The following SYNE3 variants were observed in gnomAD, a reference collection of about 807,000 sequenced individuals.
SYNE3 encodes the protein nesprin-3.
SYNE3 carries 100 observed loss-of-function variants against 111.2 expected under a neutral mutation model. The observed-to-expected ratio is 0.90, with a 90% confidence interval of 0.77 to 1.06. SYNE3 has a LOEUF of 1.06. SYNE3 is among the 50% of genes least tolerant of loss of function. The pLI is 0.00. For synonymous variants in SYNE3, 547 were observed against 533.9 expected (o/e 1.02, Z -0.34); for missense variants, 1,160 against 1,240.3 (o/e 0.94, Z 0.97).
At chr14:95,435,268 G>A (rs1219046831) in intron 15 of SYNE3, among the ~76,000 whole-genome samples, 1 of 151,940 alleles carries the variant, frequency 6.6e-6, no homozygotes, top group Non-Finnish European at 1.5e-5. Flanking sequence ...AAAAATGATA[G>A]AGTAGATTAT....
At position 95,470,893 on chromosome 14, in the gene SYNE3, T is replaced by C. The variant is rs1888489175; in HGVS notation, c.145-2926A>G. Among the ~76,000 whole-genome samples, 1 of 150,938 alleles carries C rather than the reference T, an allele frequency of 6.6e-6. No homozygotes were observed. ...GACTTGCTTGAACCTGGGAGGCAGATGTTGCAGTGAGCCGAGATCACAACA... is the reference window on the plus strand; with the variant it reads ...GACTTGCTTGAACCTGGGAGGCAGACGTTGCAGTGAGCCGAGATCACAACA... On this transcript the variant is annotated intron_variant, in intron 2 of 17. Transcript: ENST00000682763. The surrounding 1 kb of genome is among the most constrained non-coding windows in gnomAD (Gnocchi z 4.2).
rs923449472 is a variant in SYNE3, at chr14:95,439,985, T to A, written c.2002A>T (p.Thr668Ser). The A allele has an allele frequency of 1.2e-6, 2 of 1,613,650 alleles. No homozygotes were observed. The highest frequency in any genetic ancestry group is 2.2e-5 in the South Asian group (2 of 91,086). ...LELRQWIVVT[T>S]QKLEAHRGEA... ...CCCCGGTGTGCCTCCAGCTTTTGCG[T>A]GGTCACAACGATCCACTGCCGCAGC... is the stretch of plus-strand genomic sequence containing the variant. Residue 668 changes from threonine (T) to serine (S), a missense_variant, in exon 12 of 18, where the codon ACG becomes TCG. Transcript: ENST00000682763.
At chr14:95,516,455 C>A (rs1216465569) in intron 1 of SYNE3, among the ~76,000 whole-genome samples, 141 bp downstream of exon 1, 4 of 151,870 alleles carry the variant, frequency 2.6e-5, no homozygotes, top group African/African-American at 9.7e-5. Flanking sequence ...GGGCGCGCCT[C>A]CCCAGGTCCC....
At chr14:95,449,375 G>A (rs2139419710) in intron 8 of SYNE3, 2 of 963,718 alleles carry the variant, frequency 2.1e-6, no homozygotes, top group African/African-American at 1.8e-5. Context: ...TTTGAAAGGC[G>A]GAAGTAGAGG....
At chr14:95,459,491 A>G (rs1320370680) in intron 4 of SYNE3, among the ~76,000 whole-genome samples, 1 of 152,068 alleles carries the variant, frequency 6.6e-6, no homozygotes, top group Non-Finnish European at 1.5e-5. Flanking sequence ...AATGGGCTGG[A>G]TGTGGTGTCT....
intron 1 of SYNE3, among the ~76,000 whole-genome samples, chr14:95,513,131 G>A (rs758884473): frequency 3.9e-5 from 6 of 152,114 alleles, no homozygotes; most frequent in Non-Finnish European, 5.9e-5. Context: ...ACTACAAAGT[G>A]ATCTCCTTTG....
intron 4 of SYNE3, among the ~76,000 whole-genome samples, chr14:95,464,250 T>G (rs1305150938): frequency 6.6e-6 from 1 of 152,202 alleles, no homozygotes; most frequent in Admixed American, 6.5e-5. Context: ...GGAAGGGATA[T>G]TCCCATGGGC....
At chr14:95,480,164 A>G (rs1889144089) in intron 1 of SYNE3, among the ~76,000 whole-genome samples, 1 of 152,234 alleles carries the variant, frequency 6.6e-6, no homozygotes, top group African/African-American at 2.4e-5. Flanking sequence ...TCTGTTTCCA[A>G]GCCCTGTCTG....
At chr14:95,444,672 T>A (rs754491640) in intron 9 of SYNE3, 44 bp from the exon 10 acceptor site, 1 of 1,520,886 alleles carries the variant, frequency 6.6e-7, no homozygotes, top group South Asian at 1.3e-5. Context: ...GCGTTCCTCA[T>A]GAGCACCGTG....
intron 2 of SYNE3, among the ~76,000 whole-genome samples, chr14:95,468,559 G>A (rs1229718410): frequency 1.3e-5 from 2 of 152,174 alleles, no homozygotes; most frequent in East Asian, 1.9e-4. Context: ...GATGCTGAGT[G>A]AGTGACTGTA....
At chr14:95,449,481 G>A in intron 8 of SYNE3, 1 of 985,490 alleles carries the variant, frequency 1.0e-6, no homozygotes, top group Non-Finnish European at 1.2e-6. Flanking sequence ...CTGGGGCCAT[G>A]AGGCGAGACC....
At chr14:95,452,021 C>T in intron 7 of SYNE3, 1 of 424,582 alleles carries the variant, frequency 2.4e-6, no homozygotes, top group Non-Finnish European at 4.0e-6. Context: ...AGCCACTAGC[C>T]TGGATAAATG....
rs8009736 is a variant in SYNE3, at chr14:95,440,201, C to T, written c.1912-126G>A. The T allele has an allele frequency of 2.5e-3, 2,623 of 1,065,592 alleles. 41 individuals carry two copies. In the African/African-American group the frequency reaches 0.032, roughly 13 times the overall value. The allele number at this position is 1,065,592 out of a possible 1,614,324, so 66.0% of individuals were successfully genotyped here. Reference sequence around the variant, plus strand: ...CCCCAGGGCTCCCCACCAAGTAGCACCACAAGAGGCTGGGCTGGCCCTTCC... The same window carrying T: ...CCCCAGGGCTCCCCACCAAGTAGCATCACAAGAGGCTGGGCTGGCCCTTCC... On this transcript the variant is annotated intron_variant, in intron 11 of 17. Transcript: ENST00000682763.
chr14:95,492,524 T>C (rs1889898771), intron 1 of SYNE3, among the ~76,000 whole-genome samples: 1 of 152,254 alleles, frequency 6.6e-6, no homozygotes. Flanking sequence ...AGGTCCCATG[T>C]ATTGTATGAT....
At chr14:95,453,886 C>T (rs1887245445) in intron 6 of SYNE3, among the ~76,000 whole-genome samples, 1 of 152,244 alleles carries the variant, frequency 6.6e-6, no homozygotes, top group African/African-American at 2.4e-5. Context: ...TTTCTAGGCT[C>T]AGTTCCCTCC....
intron 2 of SYNE3, among the ~76,000 whole-genome samples, chr14:95,469,554 A>AAAAG (rs1566674770): frequency 7.1e-6 from 1 of 141,106 alleles, no homozygotes; most frequent in African/African-American, 2.6e-5. Context: ...AAAAAAAAAA[A>AAAAG]TTAAAAATTA....
intron 3 of SYNE3, 70 bp from the exon 4 acceptor site, chr14:95,466,310 G>A: frequency 6.7e-7 from 1 of 1,489,722 alleles, no homozygotes; most frequent in Non-Finnish European, 9.0e-7. Flanking sequence ...GGTCTGTGCT[G>A]TCACCCCCTC....
rs1165548859 is a variant in SYNE3 at position 95,433,423 on chromosome 14, C to A, written c.2539-14G>T. 6.2e-7 allele frequency: 1 copy of A among 1,613,230 alleles called. No homozygotes were observed. The highest frequency in any genetic ancestry group is 1.1e-5 in the South Asian group (1 of 90,952). On this transcript the variant is annotated splice_polypyrimidine_tract_variant and intron_variant, in intron 15 of 17. Transcript: ENST00000682763. ...AGCCTCCAGCTCCTGGGGGAAACAG[C>A]AGCGTCATGGTGCGGCTTCCAAATG...
chr14:95,440,462 G>A (rs942137115), intron 11 of SYNE3, among the ~76,000 whole-genome samples: 6 of 152,196 alleles, frequency 3.9e-5, no homozygotes, highest in Admixed American at 3.9e-4. Context: ...GTATGTCCCA[G>A]AAATGGGAAC....
Sources: allele counts gnomAD v4.1 joint callset (sites outside exome capture counted in the v4.1 genomes callset), GRCh38; gene constraint gnomAD v4.1.1; non-coding constraint Gnocchi (gnomAD v3.1); transcripts MANE v1.5; gene names NCBI Gene and HGNC (gene_info 2026-07-23, HGNC 2026-07-21).